Variants in DMD observed in about 807,000 individuals in gnomAD.
The protein encoded by DMD is mutant dystrophin.
Under a neutral mutation model 330.1 loss-of-function variants are expected in DMD, and 63 were observed. That is an observed-to-expected ratio of 0.19 (90% CI 0.16 to 0.24). The LOEUF (loss-of-function observed/expected upper bound fraction) is 0.24. Among genes scored for constraint, DMD ranks in the 10% least tolerant of loss-of-function variants. DMD has a pLI of 1.00. For synonymous variants in DMD, 1,223 were observed against 959.8 expected, an observed-to-expected ratio of 1.27 and a Z score of -5.07; for missense variants, 3,344 against 2,684.1, an observed-to-expected ratio of 1.25 and a Z score of -5.43.
intron 43 of DMD, among the ~76,000 whole-genome samples, chrX:32,258,022 TCAAAA>T (rs1248534715): frequency 9.1e-6 from 1 of 109,427 alleles, no homozygotes; most frequent in Non-Finnish European, 1.9e-5. Context: ...CAGACACTTC[TCAAAA>T]CAAGACATTT....
At chrX:31,265,472 C>T (rs2050947177) in intron 62 of DMD, among the ~76,000 whole-genome samples, 1 of 111,502 alleles carries the variant, frequency 9.0e-6, no homozygotes, top group Non-Finnish European at 1.9e-5. Context: ...AAAGCCAGGG[C>T]AAAGATGATT....
chrX:32,627,855 T>A lies in DMD; in HGVS notation c.1332-13402A>T, dbSNP rs1175679056. On this transcript the variant is annotated intron_variant, in intron 11 of 78. Transcript: ENST00000357033. ...ACTCTTGAGACAATTGTTCTTAGCA[T>A]GATGTTTACTTTAATGATAGAAACC... 3.6e-5 allele frequency among the ~76,000 whole-genome samples: 4 copies of A among 111,233 alleles called. No individual in the cohort carries two copies. In the Admixed American group the frequency reaches 3.8e-4, roughly 11 times the overall value.
At chrX:32,695,280 A>G (rs2063564636) in intron 9 of DMD, among the ~76,000 whole-genome samples, 1 of 111,846 alleles carries the variant, frequency 8.9e-6, no homozygotes, top group Admixed American at 9.5e-5. Flanking sequence ...AGGCCTAGAA[A>G]TACAAATTAA....
rs55718177 is a variant in DMD, at chrX:31,723,623, A to AACACACACACACACACACAC, written c.7660+5988_7660+6007dup. ...CTTCATTTACTCCCTTATCCTCCAC[A>AACACACACACACACACACAC]ACACACACACACACACACACACACA... On this transcript the variant is annotated intron_variant, in intron 52 of 78. Transcript: ENST00000357033. 1.9e-3 allele frequency among the ~76,000 whole-genome samples: 145 copies of AACACACACACACACACACAC among 77,656 alleles called. 1 individual carries two copies. The highest frequency in any genetic ancestry group is 6.6e-3 in the African/African-American group (131 of 19,776). The allele number at this position is 77,656 out of a possible 115,157, so 67.4% of individuals were successfully genotyped here. A position where few individuals can be genotyped will look rare whatever the true frequency, so the allele number is the denominator to read the frequency against.
chrX:32,897,093 G>A (rs2085789106), intron 2 of DMD, among the ~76,000 whole-genome samples: 1 of 80,929 alleles, frequency 1.2e-5, no homozygotes, highest in African/African-American at 4.5e-5. Flanking sequence ...GGCATTTTAT[G>A]CGTTTTTTTT....
At chrX:32,983,695 G>A (rs1438237404) in intron 2 of DMD, among the ~76,000 whole-genome samples, 1 of 111,148 alleles carries the variant, frequency 9.0e-6, no homozygotes, top group African/African-American at 3.3e-5. Flanking sequence ...ATGGTAAAGT[G>A]TACATAGGAT....
intron 2 of DMD, among the ~76,000 whole-genome samples, chrX:33,013,907 A>G (rs942293559): frequency 1.8e-5 from 2 of 112,442 alleles, no homozygotes; most frequent in Non-Finnish European, 1.9e-5. Context: ...GTAATAGGAT[A>G]GTAACACATG....
intron 1 of DMD, among the ~76,000 whole-genome samples, chrX:33,204,048 A>G (rs1411589482): frequency 9.0e-6 from 1 of 111,286 alleles, no homozygotes; most frequent in African/African-American, 3.3e-5. Flanking sequence ...TCTAGTCCAA[A>G]TCACCTTCTT....
At chrX:31,465,512 A>G (rs1393324117) in intron 59 of DMD, among the ~76,000 whole-genome samples, 1 of 110,142 alleles carries the variant, frequency 9.1e-6, no homozygotes, top group African/African-American at 3.3e-5. Context: ...AGCTTCATCC[A>G]TGTCCCTGCC....
upstream of DMD, among the ~76,000 whole-genome samples, chrX:33,215,472 C>T (rs764614615): frequency 8.1e-5 from 9 of 111,541 alleles, no homozygotes; most frequent in Non-Finnish European, 1.5e-4. Context: ...TCCCATTCTT[C>T]GTCTGTTTAC....
At chrX:33,214,036 C>T (rs192990310), upstream of DMD, among the ~76,000 whole-genome samples, 3 of 82,505 alleles carry the variant, frequency 3.6e-5, no homozygotes, top group African/African-American at 1.3e-4. Context: ...CGGTATGTAA[C>T]CTTTTGAGAT....
At chrX:32,691,432 A>T (rs1242284059) in intron 9 of DMD, among the ~76,000 whole-genome samples, 3 of 111,632 alleles carry the variant, frequency 2.7e-5, no homozygotes, top group Non-Finnish European at 3.8e-5. Context: ...GTTCAACATT[A>T]TGAATTATCA....
rs1348757987 is a variant in DMD, at chrX:32,969,649, T to C, written c.93+50490A>G. Among the ~76,000 whole-genome samples the C allele has an allele frequency of 2.1e-5, 2 of 94,807 alleles. 1 individual carries two copies. Among genetic ancestry groups the C allele is most frequent in the Non-Finnish European group, 4.0e-5 (2 of 49,469 alleles). 82.3% of individuals were successfully genotyped at this position (94,807 alleles called of 115,157 possible). A position where few individuals can be genotyped will look rare whatever the true frequency, so the allele number is the denominator to read the frequency against. On this transcript the variant is annotated intron_variant, in intron 2 of 78. Coordinates refer to ENST00000357033, the MANE Select transcript of DMD (RefSeq NM_004006.3). Reference sequence around the variant, plus strand: ...CATACAAATAGAACAATTTGACATATATATAATAAACTAGAACACATATGC... The same window carrying C: ...CATACAAATAGAACAATTTGACATACATATAATAAACTAGAACACATATGC...
intron 55 of DMD, among the ~76,000 whole-genome samples, chrX:31,528,708 G>T (rs927142022): frequency 8.9e-6 from 1 of 112,235 alleles, no homozygotes; most frequent in Non-Finnish European, 1.9e-5. Flanking sequence ...ACATCAGGAA[G>T]AAAATATATG....
At chrX:31,575,794 C>T (rs2076067850) in intron 55 of DMD, among the ~76,000 whole-genome samples, 1 of 111,555 alleles carries the variant, frequency 9.0e-6, no homozygotes, top group African/African-American at 3.3e-5. Context: ...CTGCAACATG[C>T]CAAGAAATAA....
intron 48 of DMD, among the ~76,000 whole-genome samples, chrX:31,860,687 T>C (rs16989884): frequency 0.16 from 18,251 of 111,686 alleles, 1,240 homozygotes; most frequent in African/African-American, 0.23. Context: ...GATAGTTATT[T>C]CAGATTTGGC....
Position 31,968,369 on chromosome X carries a change from ACCT to A in DMD, c.6581_6583del (p.Glu2194del), listed in dbSNP as rs2095369577. ...TTTTCTGTCTGACAGCTGTTTGCAG[ACCT>A]CCTGCCACCGCAGATTCAGGCTTCC... On this transcript the variant is annotated inframe_deletion, in exon 45 of 79. Coordinates refer to ENST00000357033, the MANE Select transcript of DMD (RefSeq NM_004006.3). The A allele has an allele frequency of 8.3e-7, 1 of 1,209,705 alleles. No homozygotes were observed. The highest frequency in any genetic ancestry group is 1.1e-6 in the Non-Finnish European group (1 of 894,582).
rs1407341950 is a variant in DMD, at chrX:32,452,298, GGAAAGGGAAAGT to G, written c.3603+2352_3603+2363del. On this transcript the variant is annotated intron_variant, in intron 26 of 78. Coordinates refer to ENST00000357033, the MANE Select transcript of DMD (RefSeq NM_004006.3). ...CAATGGAAAAGAAAGGAAAGGAAAA[GGAAAGGGAAAGT>G]GAAAGTGAAAGTGAAAGTGAAAGTG... Among the ~76,000 whole-genome samples, 183 of 17,688 alleles carry G rather than the reference GGAAAGGGAAAGT, an allele frequency of 0.01. 30 individuals are homozygous for G. The East Asian group carries it at 0.23, about 22-fold the overall frequency. The allele number at this position is 17,688 out of a possible 115,157, so 15.4% of individuals were successfully genotyped here.
At chrX:31,731,276 T>C (rs1445902613) in intron 51 of DMD, among the ~76,000 whole-genome samples, 1 of 111,829 alleles carries the variant, frequency 8.9e-6, no homozygotes, top group African/African-American at 3.2e-5. Context: ...AAGACAGCTA[T>C]TGAAGTAAGT....
Sources: allele counts gnomAD v4.1 joint callset (sites outside exome capture counted in the v4.1 genomes callset), GRCh38; gene constraint gnomAD v4.1.1; transcripts MANE v1.5; gene names NCBI Gene and HGNC (gene_info 2026-07-23, HGNC 2026-07-21).